The following SIDT1 variants were observed in gnomAD, a reference collection of about 807,000 sequenced individuals.
SIDT1 encodes SID1 transmembrane family, member 1.
A neutral mutation model predicts 107.5 loss-of-function variants in SIDT1; 101 were observed. The observed-to-expected ratio is 0.94, with a 90% CI of 0.80 to 1.11. SIDT1 has a LOEUF of 1.11. Ranked by LOEUF, SIDT1 falls within the 50% of genes least tolerant of loss-of-function variation. The pLI is 0.00. For synonymous variants in SIDT1, 395 were observed against 398.2 expected (o/e 0.99, Z 0.10); for missense variants, 1,076 against 1,058.2 (o/e 1.02, Z -0.23).
In SIDT1 at chr3:113,581,331, T is replaced by G. The variant is rs756556834; in HGVS notation, c.664-30T>G. On this transcript the variant is annotated intron_variant, in intron 5 of 24. Coordinates refer to ENST00000264852, the MANE Select transcript of SIDT1 (RefSeq NM_017699.3). ...TGACATTGCATGACATTATGGATGC[T>G]TTCCATTTTATTCCTCATGCATGCT... The G allele has an allele frequency of 1.9e-6, 3 of 1,569,598 alleles. No homozygotes were observed. The Admixed American group carries it at 5.0e-5, about 26-fold the overall frequency.
chr3:113,568,601 A>G (rs556721008), intron 3 of SIDT1, among the ~76,000 whole-genome samples: 1 of 144,382 alleles, frequency 6.9e-6, no homozygotes, highest in Admixed American at 6.9e-5. Context: ...CTCAAAAAAA[A>G]AAAAGAAAAG....
chr3:113,603,918 G>A (rs1433177637), intron 12 of SIDT1, 42 bp from the exon 13 acceptor site: 1 of 1,378,582 alleles, frequency 7.3e-7, no homozygotes, highest in African/African-American at 1.4e-5. Context: ...TGCATAAAGA[G>A]CTGAGTACAG....
chr3:113,609,137 A>T (rs1456294351), intron 17 of SIDT1, among the ~76,000 whole-genome samples: 1 of 134,348 alleles, frequency 7.4e-6, no homozygotes, highest in Non-Finnish European at 1.5e-5. Context: ...ATCTGAGCTC[A>T]CTGCAATCTC....
intron 3 of SIDT1, among the ~76,000 whole-genome samples, chr3:113,570,077 T>A (rs544310579): frequency 1.3e-5 from 2 of 152,244 alleles, no homozygotes; most frequent in South Asian, 4.1e-4. Flanking sequence ...GGCTAATTTT[T>A]GTATTTTTAG....
At chr3:113,576,514 T>C (rs1048044631) in intron 3 of SIDT1, among the ~76,000 whole-genome samples, 23 of 152,104 alleles carry the variant, frequency 1.5e-4, no homozygotes, top group Admixed American at 1.4e-3. Flanking sequence ...TTGAAATGTA[T>C]CTACATTATC....
Position 113,532,696 on chromosome 3 carries a change from T to C in SIDT1, c.-326T>C. ...TGAGGGAGAAGAGATCGGTCTAAAT[T>C]CTGGCTGGGTAAGTGGGGGGATTCT... On this transcript the variant is annotated 5_prime_UTR_variant, in exon 1 of 25. Coordinates refer to ENST00000264852, the MANE Select transcript of SIDT1 (RefSeq NM_017699.3). The C allele has an allele frequency of 3.4e-6, 1 of 297,814 alleles. No homozygotes were observed. Among genetic ancestry groups the C allele is most frequent in the Non-Finnish European group, 6.2e-6 (1 of 162,094 alleles). The allele number at this position is 297,814 out of a possible 1,614,324, so 18.4% of individuals were successfully genotyped here. A position where few individuals can be genotyped will look rare whatever the true frequency, so the allele number is the denominator to read the frequency against.
intron 1 of SIDT1, among the ~76,000 whole-genome samples, chr3:113,554,419 T>G (rs1470641080): frequency 6.6e-6 from 1 of 152,140 alleles, no homozygotes; most frequent in Non-Finnish European, 1.5e-5. Flanking sequence ...AGGGGACCGA[T>G]GGGAGGTAAC....
At chr3:113,607,447 C>G (rs1370158849) in intron 15 of SIDT1, among the ~76,000 whole-genome samples, 4 of 152,222 alleles carry the variant, frequency 2.6e-5, no homozygotes, top group Non-Finnish European at 5.9e-5. Flanking sequence ...GTGAGATAGA[C>G]ATTACTATGA....
At chr3:113,543,524 A>G (rs1238956834) in intron 1 of SIDT1, among the ~76,000 whole-genome samples, 3 of 151,840 alleles carry the variant, frequency 2.0e-5, no homozygotes, top group Non-Finnish European at 4.4e-5. Flanking sequence ...ACTTGCTCCC[A>G]CCCACTCATG....
chr3:113,552,079 C>T (rs1189353263), intron 1 of SIDT1, among the ~76,000 whole-genome samples: 5 of 152,230 alleles, frequency 3.3e-5, no homozygotes, highest in South Asian at 4.1e-4. Context: ...TTGTGAACAA[C>T]GTGACTCACA....
chr3:113,619,899 G>A (rs1363690441), intron 21 of SIDT1, 173 bp downstream of exon 21: 1 of 614,542 alleles, frequency 1.6e-6, no homozygotes, highest in Non-Finnish European at 2.9e-6. Flanking sequence ...AGCAATTGTA[G>A]CCTCTCTTAA....
At chr3:113,567,020 G>T (rs986699715) in intron 2 of SIDT1, among the ~76,000 whole-genome samples, 1 of 152,168 alleles carries the variant, frequency 6.6e-6, no homozygotes, top group Non-Finnish European at 1.5e-5. Context: ...TTTTTCAGGG[G>T]AGAAGTGTAT....
chr3:113,553,953 A>G (rs1236544783), intron 1 of SIDT1, among the ~76,000 whole-genome samples: 1 of 152,230 alleles, frequency 6.6e-6, no homozygotes, highest in Non-Finnish European at 1.5e-5. Context: ...AGGTTGAGGC[A>G]GGAGAATCGC....
chr3:113,601,579 T>A lies in SIDT1; in HGVS notation c.1046-9T>A. 1 of 1,612,634 alleles carries A rather than the reference T, an allele frequency of 6.2e-7. No homozygotes were observed. Among genetic ancestry groups the A allele is most frequent in the Non-Finnish European group, 8.5e-7 (1 of 1,178,670 alleles). On this transcript the variant is annotated splice_polypyrimidine_tract_variant and intron_variant, in intron 10 of 24. Coordinates refer to ENST00000264852, the MANE Select transcript of SIDT1 (RefSeq NM_017699.3). Reference sequence around the variant, plus strand: ...CATAAAGTGTTTGCCTCTTCACTTTTTTTAACAGGCTCTGGAAATATGGTG... The same window carrying A: ...CATAAAGTGTTTGCCTCTTCACTTTATTTAACAGGCTCTGGAAATATGGTG...
chr3:113,566,517 A>G lies in SIDT1; in HGVS notation c.320A>G (p.Gln107Arg), dbSNP rs757716939. The change falls in exon 2 of 25, where the codon CAG becomes CGG. Residue 107 changes from glutamine to arginine, a missense_variant. Gln to Arg is a conservative substitution (Grantham distance 43, BLOSUM62 1). Transcript: ENST00000264852. Reference sequence around the variant, plus strand: ...CAGCAGAAAGAGGTGCTGTCCTGGCAGGTTCCTCTGCTCTTCCAAGGACTG... The same window carrying G: ...CAGCAGAAAGAGGTGCTGTCCTGGCGGGTTCCTCTGCTCTTCCAAGGACTG... ...VRQQKEVLSW[Q>R]VPLLFQGLYQ... is the part of the protein sequence containing the mutation. 1.5e-5 allele frequency: 25 copies of G among 1,614,066 alleles called. No homozygotes were observed. Among genetic ancestry groups the G allele is most frequent in the Non-Finnish European group, 2.1e-5 (25 of 1,180,006 alleles).
Position 113,570,746 on chromosome 3 carries a change from A to G in SIDT1, c.515+3036A>G, listed in dbSNP as rs371602463. On this transcript the variant is annotated intron_variant, in intron 3 of 24. Coordinates refer to ENST00000264852, the MANE Select transcript of SIDT1 (RefSeq NM_017699.3). ...ACTGGGCTCAGGCATTGAGAGAAAC[A>G]CTGAAGAAGTAATTCGAAATCTCTA... Among the ~76,000 whole-genome samples the G allele has an allele frequency of 5.9e-4, 90 of 152,326 alleles. 1 individual carries two copies. Among genetic ancestry groups the G allele is most frequent in the African/African-American group, 2.1e-3 (87 of 41,576 alleles).
chr3:113,596,599 C>T (rs750498341), intron 10 of SIDT1, among the ~76,000 whole-genome samples: 3 of 152,090 alleles, frequency 2.0e-5, no homozygotes, highest in Non-Finnish European at 2.9e-5. Flanking sequence ...ATCCTTAATA[C>T]CAAAGACAGG....
At chr3:113,576,653 A>G (rs1225915338) in intron 3 of SIDT1, among the ~76,000 whole-genome samples, 1 of 152,158 alleles carries the variant, frequency 6.6e-6, no homozygotes. Flanking sequence ...TAAATAAACT[A>G]CCTTATATAG....
chr3:113,557,038 C>T (rs911718450), intron 1 of SIDT1, among the ~76,000 whole-genome samples: 33 of 151,932 alleles, frequency 2.2e-4, no homozygotes, highest in Non-Finnish European at 2.9e-5. Context: ...AGGCTGGTCT[C>T]GACCTCAGGT....
Sources: gnomAD v4.1 joint callset for allele counts (sites outside exome capture counted in the v4.1 genomes callset) on GRCh38, gnomAD v4.1.1 for gene constraint, MANE v1.5 for transcripts, NCBI Gene and HGNC (gene_info 2026-07-23, HGNC 2026-07-21) for gene names.